Variants in CDC26 observed in about 807,000 individuals in gnomAD.
CDC26 encodes cell division cycle 26, also known as anaphase-promoting complex subunit CDC26.
In CDC26, 2 loss-of-function variants were observed where a neutral mutation model predicts 8.0. The observed-to-expected ratio is 0.25, with a 90% CI of 0.10 to 0.79. CDC26 has a LOEUF of 0.79. CDC26 is among the 30% of genes least tolerant of loss of function. The pLI is 0.70. For synonymous variants in CDC26, 19 were observed against 34.9 expected (o/e 0.55, Z 1.60); for missense variants, 68 against 106.0 (o/e 0.64, Z 1.57).
At chr9:113,273,173 A>C (rs911082458) in intron 2 of CDC26, among the ~76,000 whole-genome samples, 156 bp downstream of exon 2, 1 of 152,230 alleles carries the variant, frequency 6.6e-6, no homozygotes, top group Non-Finnish European at 1.5e-5. Flanking sequence ...GAACTACTCT[A>C]GCTAAAAGAA....
At chr9:113,273,944 CAACT>C (rs1245542362) in intron 1 of CDC26, among the ~76,000 whole-genome samples, 1 of 152,020 alleles carries the variant, frequency 6.6e-6, no homozygotes, top group Non-Finnish European at 1.5e-5. Context: ...CACAACCCCC[CAACT>C]GAGTTTAATA....
At chr9:113,271,375 C>A (rs977788361) in intron 3 of CDC26, among the ~76,000 whole-genome samples, 1 of 152,002 alleles carries the variant, frequency 6.6e-6, no homozygotes, top group African/African-American at 2.4e-5. Context: ...AATTAAGGAT[C>A]TTGAGAAGGG....
rs780617850 is a variant in CDC26, at chr9:113,272,508, A to G, written c.-1T>C. 1.2e-6 allele frequency: 2 copies of G among 1,607,284 alleles called. No homozygotes were observed. Among genetic ancestry groups the G allele is most frequent in the East Asian group, 4.5e-5 (2 of 44,838 alleles). ...GGCGTGTTGGTTTCCGTCTCAGCATACTGAAGTCAACACTAAGGGCCAAAC... is the reference window on the plus strand; with the variant it reads ...GGCGTGTTGGTTTCCGTCTCAGCATGCTGAAGTCAACACTAAGGGCCAAAC... On this transcript the variant is annotated 5_prime_UTR_variant, in exon 3 of 4. Transcript: ENST00000374206.
chr9:113,268,688 G>A (rs923340075), intron 3 of CDC26, among the ~76,000 whole-genome samples: 45 of 152,172 alleles, frequency 3.0e-4, no homozygotes, highest in African/African-American at 1.0e-3. Context: ...AGGCCAAGGC[G>A]GAGGATTGCT....
At chr9:113,269,944 T>C (rs1761187325) in intron 3 of CDC26, among the ~76,000 whole-genome samples, 1 of 152,218 alleles carries the variant, frequency 6.6e-6, no homozygotes, top group Non-Finnish European at 1.5e-5. Context: ...TAGACTTGCA[T>C]TGAGCCCTCC....
intron 1 of CDC26, among the ~76,000 whole-genome samples, chr9:113,273,821 CA>C (rs149642304): frequency 2.9e-3 from 154 of 53,266 alleles, no homozygotes; most frequent in East Asian, 1.0e-2. Context: ...GACCCCAACT[CA>C]AAAAAAAAAA....
intron 3 of CDC26, among the ~76,000 whole-genome samples, chr9:113,269,912 C>T (rs1831927540): frequency 6.6e-6 from 1 of 152,100 alleles, no homozygotes; most frequent in South Asian, 2.1e-4. Flanking sequence ...TACAAGATAC[C>T]TACTAGGACA....
intron 3 of CDC26, among the ~76,000 whole-genome samples, chr9:113,271,739 T>C (rs1312530235): frequency 6.6e-6 from 1 of 152,192 alleles, no homozygotes; most frequent in African/African-American, 2.4e-5. Flanking sequence ...TACATGAAGT[T>C]TGAGATGCCT....
intron 3 of CDC26, among the ~76,000 whole-genome samples, chr9:113,270,503 A>T (rs1831936631): frequency 6.6e-6 from 1 of 152,226 alleles, no homozygotes; most frequent in Non-Finnish European, 1.5e-5. Context: ...AAATTATAAT[A>T]AATGCTATGA....
chr9:113,269,114 A>C (rs753125186), intron 3 of CDC26, among the ~76,000 whole-genome samples: 1 of 152,112 alleles, frequency 6.6e-6, no homozygotes, highest in East Asian at 1.9e-4. Flanking sequence ...CCAGTTATTC[A>C]GGGGGCCTGA....
intron 3 of CDC26, among the ~76,000 whole-genome samples, chr9:113,267,800 A>G (rs761160257): frequency 3.3e-4 from 51 of 152,288 alleles, no homozygotes; most frequent in Non-Finnish European, 4.9e-4. Flanking sequence ...CACCCTAGCC[A>G]ACATGGTGAA....
intron 1 of CDC26, among the ~76,000 whole-genome samples, chr9:113,274,153 A>C (rs1832012810): frequency 6.6e-6 from 1 of 152,228 alleles, no homozygotes; most frequent in Admixed American, 6.5e-5. Context: ...TATTTCACAC[A>C]TAAAGAAGTC....
chr9:113,269,275 G>A (rs1056105772), intron 3 of CDC26, among the ~76,000 whole-genome samples: 2 of 152,010 alleles, frequency 1.3e-5, no homozygotes, highest in Non-Finnish European at 2.9e-5. Context: ...AGTATTACAG[G>A]GAATAAAATA....
intron 2 of CDC26, among the ~76,000 whole-genome samples, 155 bp downstream of exon 2, chr9:113,273,174 G>A (rs944126004): frequency 6.6e-6 from 1 of 152,146 alleles, no homozygotes; most frequent in Non-Finnish European, 1.5e-5. Flanking sequence ...AACTACTCTA[G>A]CTAAAAGAAT....
intron 3 of CDC26, among the ~76,000 whole-genome samples, chr9:113,268,988 C>T (rs976287464): frequency 2.0e-5 from 3 of 151,986 alleles, no homozygotes; most frequent in Non-Finnish European, 4.4e-5. Context: ...CTCTTGACCT[C>T]GTGATCCGCC....
chr9:113,269,498 C>T (rs374389790), intron 3 of CDC26, among the ~76,000 whole-genome samples: 2 of 152,136 alleles, frequency 1.3e-5, no homozygotes, highest in Non-Finnish European at 2.9e-5. Flanking sequence ...TAATCAAACT[C>T]ATGTTGGTAA....
intron 3 of CDC26, among the ~76,000 whole-genome samples, chr9:113,268,857 C>A (rs1431212893): frequency 6.6e-6 from 1 of 152,154 alleles, no homozygotes; most frequent in Admixed American, 6.6e-5. Flanking sequence ...TGGGTTCAAG[C>A]GATTCTCCTG....
chr9:113,268,539 T>C (rs778022978), intron 3 of CDC26, among the ~76,000 whole-genome samples: 3 of 152,238 alleles, frequency 2.0e-5, no homozygotes, highest in Non-Finnish European at 4.4e-5. Context: ...CAAAGTTACT[T>C]AATAGAAGAA....
At chr9:113,267,572 T>G in intron 3 of CDC26, 133 bp from the exon 4 acceptor site, 5 of 1,218,286 alleles carry the variant, frequency 4.1e-6, no homozygotes, top group Non-Finnish European at 5.7e-6. Context: ...ACTGAAATCC[T>G]AGGTTTGGAG....
Sources: gnomAD v4.1 joint callset for allele counts (sites outside exome capture counted in the v4.1 genomes callset) on GRCh38, gnomAD v4.1.1 for gene constraint, MANE v1.5 for transcripts, NCBI Gene and HGNC (gene_info 2026-07-23, HGNC 2026-07-21) for gene names.